The following AKAP7 variants were observed in gnomAD, a reference collection of about 807,000 sequenced individuals.
AKAP7 encodes the protein A-kinase anchoring protein 7, also known as A kinase (PRKA) anchor protein 7.
Under a neutral mutation model 39.5 loss-of-function variants are expected in AKAP7, and 39 were observed. The ratio of observed to expected loss-of-function variants is 0.99; its 90% confidence interval spans 0.76 to 1.29. The LOEUF (loss-of-function observed/expected upper bound fraction) is 1.29. Among genes scored for constraint, AKAP7 ranks in the 50% most tolerant of loss-of-function variants. AKAP7 has a pLI of 0.00. For synonymous variants in AKAP7, 140 were observed against 139.1 expected (o/e 1.01, Z -0.05); for missense variants, 414 against 407.7 (o/e 1.02, Z -0.13).
In AKAP7 at chr6:131,160,091, A is replaced by G. The variant is rs376140172; in HGVS notation, c.184A>G (p.Ser62Gly). 2.5e-6 allele frequency: 4 copies of G among 1,595,636 alleles called. No individual in the cohort carries two copies. The highest frequency in any genetic ancestry group is 3.4e-6 in the Non-Finnish European group (4 of 1,175,576). Residue 62 changes from serine (S) to glycine (G), a missense_variant, in exon 3 of 8, where the codon AGT (serine) becomes GGT (glycine). By Grantham distance (56) the Ser-to-Gly change is moderately conservative. Coordinates refer to ENST00000431975, the MANE Select transcript of AKAP7 (RefSeq NM_016377.4). ...TGAACCTCAAATAAATTTGAAGAGA[A>G]GTCAAGAAAATGAATGGGTCAAGAG... is the stretch of plus-strand genomic sequence containing the variant. ...TDEPQINLKR[S>G]QENEWVKSDQ... is the part of the protein sequence containing the mutation.
chr6:131,202,938 C>T lies in AKAP7; in HGVS notation c.702+3365C>T, dbSNP rs542010431. ...TAGATATGGGGATTCGCAAGTCAGCCGGCGTACTGGTTGAAGCTTCAGATT... is the reference window on the plus strand; with the variant it reads ...TAGATATGGGGATTCGCAAGTCAGCTGGCGTACTGGTTGAAGCTTCAGATT... On this transcript the variant is annotated intron_variant, in intron 6 of 7. Coordinates refer to ENST00000431975, the MANE Select transcript of AKAP7 (RefSeq NM_016377.4). 1.2e-4 allele frequency among the ~76,000 whole-genome samples: 19 copies of T among 152,054 alleles called. No homozygotes were observed. The South Asian group carries it at 1.5e-3, about 12-fold the overall frequency.
chr6:131,164,287 C>T, intron 3 of AKAP7: 1 of 436,988 alleles, frequency 2.3e-6, no homozygotes, highest in Non-Finnish European at 4.6e-6. Context: ...TCTGGGTTTG[C>T]TATTTTGTAT....
intron 1 of AKAP7, among the ~76,000 whole-genome samples, chr6:131,139,729 G>A (rs113575304): frequency 2.0e-5 from 3 of 152,198 alleles, no homozygotes; most frequent in African/African-American, 7.2e-5. Flanking sequence ...TCAGTGCTAG[G>A]CATGGAGGAA....
At chr6:131,274,987 C>T (rs897363021) in intron 7 of AKAP7, among the ~76,000 whole-genome samples, 3 of 152,144 alleles carry the variant, frequency 2.0e-5, no homozygotes, top group South Asian at 2.1e-4. Context: ...TATTCTGTTA[C>T]AGCACTTAAT....
chr6:131,223,876 C>T (rs1275413521), intron 7 of AKAP7, among the ~76,000 whole-genome samples: 2 of 152,184 alleles, frequency 1.3e-5, no homozygotes, highest in African/African-American at 4.8e-5. Context: ...CACCCCCCAT[C>T]ACTGTGTTCA....
intron 5 of AKAP7, among the ~76,000 whole-genome samples, chr6:131,178,175 A>G (rs1330556623): frequency 1.3e-5 from 2 of 152,226 alleles, no homozygotes; most frequent in East Asian, 1.9e-4. Flanking sequence ...CAATCTGTCC[A>G]GCCATCCTGG....
At chr6:131,202,394 A>T (rs9689875) in intron 6 of AKAP7, among the ~76,000 whole-genome samples, 65,053 of 142,018 alleles carry the variant, frequency 0.46, 14,962 homozygotes, top group East Asian at 0.67. Context: ...GATTAAGAAA[A>T]TGTGGCACAT....
At chr6:131,181,005 G>A (rs561046385) in intron 5 of AKAP7, among the ~76,000 whole-genome samples, 3 of 151,670 alleles carry the variant, frequency 2.0e-5, no homozygotes, top group Non-Finnish European at 4.4e-5. Context: ...AGGCTGGAGT[G>A]CAGTGGCACT....
At chr6:131,244,566 T>A (rs1811851408) in intron 7 of AKAP7, among the ~76,000 whole-genome samples, 1 of 152,230 alleles carries the variant, frequency 6.6e-6, no homozygotes, top group South Asian at 2.1e-4. Flanking sequence ...AACTTATTTC[T>A]CAATTAAGGA....
At chr6:131,268,725 A>C (rs1452197142) in intron 7 of AKAP7, among the ~76,000 whole-genome samples, 1 of 152,230 alleles carries the variant, frequency 6.6e-6, no homozygotes, top group African/African-American at 2.4e-5. Flanking sequence ...TAGGATAATC[A>C]GCCTATAAAG....
Position 131,281,287 on chromosome 6 carries a change from G to A in AKAP7, c.851-243G>A, listed in dbSNP as rs565166249. On this transcript the variant is annotated intron_variant, in intron 7 of 7. Transcript: ENST00000431975. This position sits in a 1 kb window ranked among gnomAD's most constrained non-coding sequence, Gnocchi z 4.0. ...ATTCACATATAAATGGGAAACATCC[G>A]GCATTGGTAGGTAGAGCTTGTCTAG... Among the ~76,000 whole-genome samples the A allele has an allele frequency of 2.0e-5, 3 of 152,282 alleles. No homozygotes were observed. The highest frequency in any genetic ancestry group is 2.1e-4 in the South Asian group (1 of 4,826).
chr6:131,150,461 T>C (rs549593563), intron 2 of AKAP7, among the ~76,000 whole-genome samples: 38 of 152,214 alleles, frequency 2.5e-4, no homozygotes, highest in Non-Finnish European at 5.0e-4. Flanking sequence ...TTACCCTGAG[T>C]CAGTTAAGAA....
chr6:131,163,739 T>A lies in AKAP7; in HGVS notation c.292-1342T>A, dbSNP rs79509628. ...AGTATATGAAAATATGTGTTTCCAT[T>A]AACTTTCAATTGCATGTTAGTTTAA... is the stretch of plus-strand genomic sequence containing the variant. On this transcript the variant is annotated intron_variant, in intron 3 of 7. Transcript: ENST00000431975. 4.8e-3 allele frequency among the ~76,000 whole-genome samples: 735 copies of A among 152,288 alleles called. 9 individuals carry two copies. Among genetic ancestry groups the A allele is most frequent in the African/African-American group, 0.017 (698 of 41,552 alleles).
chr6:131,135,118 T>G (rs947715096), upstream of AKAP7, among the ~76,000 whole-genome samples: 7 of 152,210 alleles, frequency 4.6e-5, no homozygotes, highest in Non-Finnish European at 8.8e-5. Context: ...TCTTGTACAT[T>G]TCGCTCTTCC....
At chr6:131,133,803 T>G (rs955063597), upstream of AKAP7, among the ~76,000 whole-genome samples, 1 of 152,192 alleles carries the variant, frequency 6.6e-6, no homozygotes, top group African/African-American at 2.4e-5. Flanking sequence ...CAGTTAGAAC[T>G]GGGGGCTTCT....
chr6:131,161,754 A>G (rs759821934), intron 3 of AKAP7, among the ~76,000 whole-genome samples: 5 of 150,820 alleles, frequency 3.3e-5, no homozygotes, highest in Non-Finnish European at 5.9e-5. Context: ...CAGCAATTAT[A>G]CATTTTATTA....
chr6:131,224,131 G>T (rs552855577), intron 7 of AKAP7, among the ~76,000 whole-genome samples: 5 of 152,102 alleles, frequency 3.3e-5, no homozygotes, highest in Admixed American at 6.5e-5. Flanking sequence ...ATTTGGCGAT[G>T]ACAATATAAA....
rs749470368 is a variant in AKAP7, at chr6:131,281,846, T to C, written c.*120T>C. ...GTTTCTCTGGTGCAATCTGTGAAGATTGCCTAATACTTTTCATGATCGATG... is the reference window on the plus strand; with the variant it reads ...GTTTCTCTGGTGCAATCTGTGAAGACTGCCTAATACTTTTCATGATCGATG... On this transcript the variant is annotated 3_prime_UTR_variant, in exon 8 of 8. Transcript: ENST00000431975. The surrounding 1 kb of genome is among the most constrained non-coding windows in gnomAD (Gnocchi z 4.0). 9.7e-6 allele frequency: 13 copies of C among 1,339,136 alleles called. No homozygotes were observed. The highest frequency in any genetic ancestry group is 2.8e-4 in the Middle Eastern group (1 of 3,576). The allele number at this position is 1,339,136 out of a possible 1,614,324, so 83.0% of individuals were successfully genotyped here.
chr6:131,207,193 G>A (rs1808186806), intron 6 of AKAP7, among the ~76,000 whole-genome samples: 1 of 152,148 alleles, frequency 6.6e-6, no homozygotes, highest in Admixed American at 6.5e-5. Context: ...GAAGGAGAAT[G>A]ACAGAAAGAA....
Sources: gnomAD v4.1 joint callset for allele counts (sites outside exome capture counted in the v4.1 genomes callset) on GRCh38, gnomAD v4.1.1 for gene constraint, Gnocchi (gnomAD v3.1) non-coding constraint, MANE v1.5 for transcripts, NCBI Gene and HGNC (gene_info 2026-07-23, HGNC 2026-07-21) for gene names.